Variants in DPH6 observed in about 807,000 individuals in gnomAD.
The protein encoded by DPH6 is diphthine--ammonia ligase.
Under a neutral mutation model 38.2 loss-of-function variants are expected in DPH6, and 33 were observed. The ratio of observed to expected loss-of-function variants is 0.86; its 90% CI spans 0.65 to 1.15. The LOEUF (loss-of-function observed/expected upper bound fraction) is 1.15. Among genes scored for constraint, DPH6 ranks in the 50% most tolerant of loss-of-function variants. DPH6 has a pLI of 0.00. For synonymous variants in DPH6, 108 were observed against 103.0 expected (o/e 1.05, Z -0.30); for missense variants, 325 against 320.0 (o/e 1.02, Z -0.12).
At chr15:35,432,490 C>A (rs576850060) in intron 5 of DPH6, among the ~76,000 whole-genome samples, 2 of 152,102 alleles carry the variant, frequency 1.3e-5, no homozygotes, top group South Asian at 4.1e-4. Context: ...GTTGGGATGA[C>A]AGAAATATCA....
intron 3 of DPH6, among the ~76,000 whole-genome samples, chr15:35,534,826 A>C (rs1263283561): frequency 6.6e-6 from 1 of 152,188 alleles, no homozygotes; most frequent in Non-Finnish European, 1.5e-5. Flanking sequence ...ATCAGATTTG[A>C]CATCAAGTTT....
chr15:35,272,706 CA>C (rs2051830167), intron 3 of DPH6, among the ~76,000 whole-genome samples: 2 of 151,994 alleles, frequency 1.3e-5, no homozygotes, highest in South Asian at 4.2e-4. Flanking sequence ...GTTAGGAGTT[CA>C]AGACCAGCCT....
At chr15:35,313,073 C>CA (rs569298610) in intron 3 of DPH6, among the ~76,000 whole-genome samples, 70 of 147,812 alleles carry the variant, frequency 4.7e-4, no homozygotes, top group Middle Eastern at 7.0e-3. Flanking sequence ...ACTAAAAATA[C>CA]AAAAAAAAAA....
At chr15:35,338,958 C>T (rs1242284696) in intron 3 of DPH6, among the ~76,000 whole-genome samples, 3 of 151,868 alleles carry the variant, frequency 2.0e-5, no homozygotes, top group Non-Finnish European at 4.4e-5. Flanking sequence ...TGCATGTTCT[C>T]AGTCATAGGT....
At chr15:35,412,144 T>C (rs946749374) in intron 5 of DPH6, among the ~76,000 whole-genome samples, 6 of 151,732 alleles carry the variant, frequency 4.0e-5, no homozygotes, top group East Asian at 1.9e-4. Flanking sequence ...CAAAGAACTC[T>C]TAAAACTCAA....
the DPH6 span, among the ~76,000 whole-genome samples, chr15:35,195,580 C>A: frequency 6.6e-6 from 1 of 151,992 alleles, no homozygotes; most frequent in Admixed American, 6.6e-5. Flanking sequence ...GTCTATAGAT[C>A]CAGCTTCTTA....
At chr15:35,367,567 G>A (rs962559138), downstream of DPH6, among the ~76,000 whole-genome samples, 3 of 151,656 alleles carry the variant, frequency 2.0e-5, no homozygotes, top group African/African-American at 7.3e-5. Flanking sequence ...TAAAGTTGGG[G>A]CCCCAAAGAA....
chr15:35,522,178 G>GTCC, intron 3 of DPH6: 2 of 1,613,398 alleles, frequency 1.2e-6, no homozygotes, highest in Non-Finnish European at 1.7e-6. Flanking sequence ...TTCATTTGGA[G>GTCC]TCCTGTAAAC....
chr15:35,266,178 G>T (rs2051782956), intron 3 of DPH6, among the ~76,000 whole-genome samples: 1 of 152,162 alleles, frequency 6.6e-6, no homozygotes, highest in South Asian at 2.1e-4. Flanking sequence ...GCTTCGTATT[G>T]TAACAGCAAA....
chr15:35,366,497 A>T (rs532854830), downstream of DPH6, among the ~76,000 whole-genome samples: 3 of 151,988 alleles, frequency 2.0e-5, no homozygotes, highest in East Asian at 3.9e-4. Context: ...TCAGATATTT[A>T]AAAAAATTAA....
intron 3 of DPH6, among the ~76,000 whole-genome samples, chr15:35,499,270 T>C (rs2141191460): frequency 6.6e-6 from 1 of 152,306 alleles, no homozygotes; most frequent in South Asian, 2.1e-4. Flanking sequence ...AAATAAATTA[T>C]TCTAAGGTCA....
At chr15:35,310,367 C>G (rs1053433971) in intron 3 of DPH6, among the ~76,000 whole-genome samples, 5 of 152,148 alleles carry the variant, frequency 3.3e-5, no homozygotes, top group Non-Finnish European at 7.4e-5. Context: ...AGGGACTGTT[C>G]TAGGGTAGGC....
At chr15:35,153,235 A>G in the DPH6 span, among the ~76,000 whole-genome samples, 1 of 152,240 alleles carries the variant, frequency 6.6e-6, no homozygotes, top group African/African-American at 2.4e-5. Context: ...CACAAAGTCA[A>G]AAGTATTTAC....
intron 5 of DPH6, among the ~76,000 whole-genome samples, chr15:35,433,846 A>C (rs1465922307): frequency 6.6e-6 from 1 of 152,214 alleles, no homozygotes; most frequent in Non-Finnish European, 1.5e-5. Flanking sequence ...TTAAAAGCTC[A>C]ACAGGCTACA....
chr15:35,356,742 G>C (rs1183592833), intron 3 of DPH6, among the ~76,000 whole-genome samples: 1 of 152,216 alleles, frequency 6.6e-6, no homozygotes, highest in African/African-American at 2.4e-5. Context: ...GGACCCACTT[G>C]AGGAGGCAGT....
At chr15:35,343,949 G>T (rs2140881777) in intron 3 of DPH6, among the ~76,000 whole-genome samples, 1 of 152,006 alleles carries the variant, frequency 6.6e-6, no homozygotes, top group South Asian at 2.1e-4. Flanking sequence ...CACAAAGGAG[G>T]CCACTCAACT....
chr15:35,235,587 G>C (rs893473127), intron 3 of DPH6, among the ~76,000 whole-genome samples: 3 of 152,244 alleles, frequency 2.0e-5, no homozygotes, highest in East Asian at 3.8e-4. Context: ...AGAATAGAGA[G>C]AGCCTGATTG....
chr15:35,394,432 A>G (rs948209477), intron 6 of DPH6, among the ~76,000 whole-genome samples: 1 of 152,198 alleles, frequency 6.6e-6, no homozygotes, highest in African/African-American at 2.4e-5. Context: ...ATTGTAAATA[A>G]TAGTACTGAT....
downstream of DPH6, chr15:35,366,000 G>T (rs2052654990): frequency 1.0e-6 from 1 of 985,092 alleles, no homozygotes; most frequent in South Asian, 4.7e-5. Flanking sequence ...GAGAGACAGG[G>T]TAGGAAAGTT....
Sources: gnomAD v4.1 joint callset for allele counts (sites outside exome capture counted in the v4.1 genomes callset) on GRCh38, gnomAD v4.1.1 for gene constraint, MANE v1.5 for transcripts, NCBI Gene and HGNC (gene_info 2026-07-23, HGNC 2026-07-21) for gene names.